HSPB7: variants seen among roughly 807,000 people sequenced by gnomAD.
HSPB7 encodes the protein heat shock protein beta-7.
HSPB7 carries 9 observed loss-of-function variants against 11.0 expected under a neutral mutation model. That is an observed-to-expected ratio of 0.82 (90% CI 0.49 to 1.43). The LOEUF (loss-of-function observed/expected upper bound fraction) is 1.43, where lower values mean the gene tolerates loss of function less well. Ranked by LOEUF, HSPB7 falls within the 40% of genes most tolerant of loss-of-function variation. The probability of loss-of-function intolerance (pLI) is 0.00; values close to 1 mark genes in which losing one functional copy is unlikely to be tolerated. For missense variants in HSPB7, 246 were observed against 243.9 expected (o/e 1.01, Z -0.06); for synonymous variants, 102 against 101.6 (o/e 1.00, Z -0.02).
chr1:16,018,186 C>T, upstream of HSPB7: 1 of 1,519,870 alleles, frequency 6.6e-7, no homozygotes, highest in Non-Finnish European at 8.9e-7. Context: ...CTGCTGACAG[C>T]CCGACACGCA....
At chr1:16,018,851 C>T (rs955834464), upstream of HSPB7, 13 of 1,288,170 alleles carry the variant, frequency 1.0e-5, no homozygotes, top group Non-Finnish European at 1.3e-5. Flanking sequence ...GGCATGGGCT[C>T]CTGGCTGCAA....
rs1306269470 is a variant in HSPB7 at position 16,014,740 on chromosome 1, C to T, written c.*840G>A. The T allele has an allele frequency of 6.6e-6, 1 of 152,154 alleles. No individual in the cohort carries two copies. The highest frequency in any genetic ancestry group is 1.5e-5 in the Non-Finnish European group (1 of 68,036). The allele number at this position is 152,154 out of a possible 1,614,324, so 9.4% of individuals were successfully genotyped here. A position where few individuals can be genotyped will look rare whatever the true frequency, so the allele number is the denominator to read the frequency against. ...GAAGCTGGGGTCCAACCTCGAGGAC[C>T]CAAAGCCCCATCCATGCCCTGGCTT... On this transcript the variant is annotated 3_prime_UTR_variant, in exon 3 of 3. Coordinates refer to ENST00000311890, the MANE Select transcript of HSPB7 (RefSeq NM_014424.5).
At chr1:16,018,583 T>A (rs2021938429), upstream of HSPB7, 1 of 1,049,656 alleles carries the variant, frequency 9.5e-7, no homozygotes, top group South Asian at 3.2e-5. Flanking sequence ...AATGTGCAGC[T>A]GTCCCCTGCC....
Position 16,017,900 on chromosome 1 carries a change from A to AG in HSPB7, c.63dup (p.Ser22LeufsTer30). ...GCCGAGGAGGAGGTGGAAGAGGAGG[A>AG]GGAAGAGGAAGAGGAATGGAAACTT... On this transcript the variant is annotated frameshift_variant, in exon 1 of 3. Transcript: ENST00000311890. LOFTEE classifies it high-confidence loss of function. The AG allele has an allele frequency of 6.2e-7, 1 of 1,613,486 alleles. No individual in the cohort carries two copies. Among genetic ancestry groups the AG allele is most frequent in the Non-Finnish European group, 8.5e-7 (1 of 1,179,568 alleles).
chr1:16,019,228 A>G, upstream of HSPB7: 1 of 1,550,184 alleles, frequency 6.5e-7, no homozygotes, highest in Non-Finnish European at 8.7e-7. Flanking sequence ...TCCTCTCCAA[A>G]TCCGTCCCTT....
rs1287998487 is a variant in HSPB7 at position 16,015,890 on chromosome 1, G to A, written c.334-131C>T. 11 of 884,918 alleles carry A rather than the reference G, an allele frequency of 1.2e-5. No individual in the cohort carries two copies. Among genetic ancestry groups the A allele is most frequent in the Admixed American group, 5.7e-5 (2 of 34,930 alleles). The allele number at this position is 884,918 out of a possible 1,614,324, so 54.8% of individuals were successfully genotyped here. A position where few individuals can be genotyped will look rare whatever the true frequency, so the allele number is the denominator to read the frequency against. On this transcript the variant is annotated intron_variant, in intron 2 of 2. Transcript: ENST00000311890. The surrounding 1 kb of genome is among the most constrained non-coding windows in gnomAD (Gnocchi z 4.9). ...CCGAGGGGCTCTGCCCTCAGGTGCCGAGGGGCTGCCCAGGGTGGTGATGGC... is the reference window on the plus strand; with the variant it reads ...CCGAGGGGCTCTGCCCTCAGGTGCCAAGGGGCTGCCCAGGGTGGTGATGGC...
upstream of HSPB7, chr1:16,018,908 G>A: frequency 8.1e-7 from 1 of 1,235,320 alleles, no homozygotes; most frequent in South Asian, 1.7e-5. Flanking sequence ...TGGGAGGGTG[G>A]AGGGGCTCTT....
At chr1:16,016,765 A>C (rs2021757997) in intron 2 of HSPB7, among the ~76,000 whole-genome samples, 1 of 145,850 alleles carries the variant, frequency 6.9e-6, no homozygotes, top group African/African-American at 2.6e-5. Flanking sequence ...GTCATCTCCC[A>C]CCCTCAAGCC....
upstream of HSPB7, chr1:16,018,888 C>T: frequency 7.6e-7 from 1 of 1,318,362 alleles, no homozygotes; most frequent in Non-Finnish European, 9.9e-7. Context: ...CCGTTTGATC[C>T]CCACACAGCT....
Position 16,015,611 on chromosome 1 carries a change from T to G in HSPB7, c.482A>C (p.Gln161Pro). Residue 161 changes from glutamine (Q) to proline (P), a missense_variant, in exon 3 of 3, where the codon CAG becomes CCG. Transcript: ENST00000311890. The surrounding 1 kb of genome is among the most constrained non-coding windows in gnomAD (Gnocchi z 4.9). The part of the protein sequence containing the change: ...ARRHPHTEHV[Q>P]QTFRTEIKI ...TTTGATCTCCGTCCGGAAGGTCTGC[T>G]GGACGTGTTCTGTATGCGGGTGACG... is the stretch of plus-strand genomic sequence containing the variant. 1 of 1,614,096 alleles carries G rather than the reference T, an allele frequency of 6.2e-7. No individual in the cohort carries two copies. The highest frequency in any genetic ancestry group is 8.5e-7 in the Non-Finnish European group (1 of 1,179,980).
At chr1:16,016,767 C>T (rs1333019810) in intron 2 of HSPB7, among the ~76,000 whole-genome samples, 1 of 152,152 alleles carries the variant, frequency 6.6e-6, no homozygotes, top group Non-Finnish European at 1.5e-5. Flanking sequence ...CATCTCCCAC[C>T]CTCAAGCCCC....
intron 2 of HSPB7, among the ~76,000 whole-genome samples, chr1:16,016,146 GC>G (rs1319038984): frequency 1.3e-5 from 2 of 152,246 alleles, no homozygotes; most frequent in African/African-American, 4.8e-5. Flanking sequence ...CTGAGCGCCG[GC>G]CCCTCCCCCG....
rs934427443 is a variant in HSPB7, at chr1:16,017,983, C to G, written c.-20G>C. On this transcript the variant is annotated 5_prime_UTR_variant, in exon 1 of 3. Coordinates refer to ENST00000311890, the MANE Select transcript of HSPB7 (RefSeq NM_014424.5). ...GCTCATCCACGGACGGCGCCGGGCC[C>G]TGCCCAGGCGGGCGAGGGCTGGACA... 3.7e-6 allele frequency: 6 copies of G among 1,612,620 alleles called. No homozygotes were observed. Among genetic ancestry groups the G allele is most frequent in the Middle Eastern group, 1.6e-4 (1 of 6,066 alleles).
intron 1 of HSPB7, chr1:16,017,544 C>T: frequency 1.7e-6 from 1 of 593,808 alleles, no homozygotes; most frequent in Non-Finnish European, 2.9e-6. Context: ...GCCATGGAAC[C>T]ATGTCCAACC....
upstream of HSPB7, chr1:16,018,093 G>C (rs762981127): frequency 1.9e-6 from 3 of 1,565,704 alleles, no homozygotes; most frequent in Non-Finnish European, 2.6e-6. Flanking sequence ...CCCTGGGCTT[G>C]GGGCCAGCCC....
chr1:16,017,097 G>A lies in HSPB7; in HGVS notation c.310C>T (p.His104Tyr), dbSNP rs751184800. The A allele has an allele frequency of 6.2e-7, 1 of 1,612,190 alleles. No homozygotes were observed. Residue 104 changes from histidine (H) to tyrosine (Y), a missense_variant, in exon 2 of 3, where the codon CAC (histidine) becomes TAC (tyrosine). By Grantham distance (83) the His-to-Tyr change is moderately conservative. Coordinates refer to ENST00000311890, the MANE Select transcript of HSPB7 (RefSeq NM_014424.5). ...ACCTTCTCAGCCCGCACCTCGATGT[G>A]GTTGTTGGAGGTGGTGACAATGATG... The part of the protein sequence containing the change: ...EDIIVTTSNN[H>Y]IEVRAEKLAA...
At chr1:16,016,569 G>A (rs530559637) in intron 2 of HSPB7, among the ~76,000 whole-genome samples, 1 of 152,294 alleles carries the variant, frequency 6.6e-6, no homozygotes, top group East Asian at 1.9e-4. Context: ...GCCCAGCCTC[G>A]GGCCTAATTT....
At chr1:16,018,300 C>T (rs1013171854), upstream of HSPB7, 15 of 1,310,264 alleles carry the variant, frequency 1.1e-5, no homozygotes, top group East Asian at 1.3e-4. Context: ...CCTTGCCACT[C>T]GGACCTCGGT....
At position 16,017,205 on chromosome 1, in the gene HSPB7, G is replaced by C. The variant is rs1247082228; in HGVS notation, c.202C>G (p.Arg68Gly). 6.2e-7 allele frequency: 1 copy of C among 1,612,726 alleles called. No individual in the cohort carries two copies. The highest frequency in any genetic ancestry group is 1.7e-5 in the Admixed American group (1 of 59,976). The change falls in exon 2 of 3, where the codon CGC becomes GGC. Residue 68 changes from arginine (R) to glycine (G), a missense_variant and splice_region_variant. Transcript: ENST00000311890. ...TTGATGTTGCCTGCCCCACCGGGGC[G>C]GGCTGTGGGATGGGCTGCTGTGAGC... ...PHSEPLAFPA[R>G]PGGAGNIKTL... is the part of the protein sequence containing the mutation.
Sources: allele counts gnomAD v4.1 joint callset (sites outside exome capture counted in the v4.1 genomes callset), GRCh38; gene constraint gnomAD v4.1.1; non-coding constraint Gnocchi (gnomAD v3.1); transcripts MANE v1.5; gene names NCBI Gene and HGNC (gene_info 2026-07-23, HGNC 2026-07-21).